Variants in PUDP observed in about 807,000 individuals in gnomAD.
PUDP encodes pseudouridine-5'-phosphatase.
In PUDP, 8 loss-of-function variants were observed where a neutral mutation model predicts 9.4. The ratio of observed to expected loss-of-function variants is 0.85; its 90% CI spans 0.50 to 1.53. The LOEUF is 1.53. PUDP is among the 40% of genes most tolerant of loss of function. The pLI, the probability that PUDP is intolerant of heterozygous loss-of-function variation, is 0.00. For missense variants in PUDP, 188 were observed against 189.7 expected, an observed-to-expected ratio of 0.99 and a Z score of 0.05; for synonymous variants, 99 against 80.7, an observed-to-expected ratio of 1.23 and a Z score of -1.22.
chrX:6,745,634 T>G (rs1721622428), intron 3 of PUDP, among the ~76,000 whole-genome samples: 1 of 110,927 alleles, frequency 9.0e-6, no homozygotes, highest in African/African-American at 3.3e-5. Flanking sequence ...ACATGCTGTT[T>G]GTTTGTTTGT....
chrX:6,727,704 C>A (rs1376072513), intron 3 of PUDP, among the ~76,000 whole-genome samples: 2 of 111,878 alleles, frequency 1.8e-5, no homozygotes, highest in African/African-American at 6.5e-5. Flanking sequence ...GTGGGTGTGG[C>A]TGTCATCCCA....
intron 3 of PUDP, among the ~76,000 whole-genome samples, chrX:6,736,902 C>T (rs1207158040): frequency 4.5e-5 from 5 of 111,768 alleles, no homozygotes; most frequent in Non-Finnish European, 9.4e-5. Context: ...TTATCAGGTA[C>T]TATGCTGATT....
intron 3 of PUDP, among the ~76,000 whole-genome samples, chrX:6,932,993 C>G (rs1417448725): frequency 9.1e-6 from 1 of 110,369 alleles, no homozygotes; most frequent in Non-Finnish European, 1.9e-5. Context: ...GAGCCCACCA[C>G]AGCTCAAGGA....
intron 3 of PUDP, among the ~76,000 whole-genome samples, chrX:6,750,047 A>G (rs1380752183): frequency 1.8e-5 from 2 of 112,127 alleles, no homozygotes; most frequent in African/African-American, 6.5e-5. Context: ...TGAGAATACA[A>G]TAAGGGGATG....
chrX:7,079,007 T>C (rs1453973264), intron 2 of PUDP, among the ~76,000 whole-genome samples: 1 of 111,676 alleles, frequency 9.0e-6, no homozygotes, highest in Non-Finnish European at 1.9e-5. Flanking sequence ...TTTATAAGTA[T>C]TATAAACACA....
At chrX:7,139,778 G>A (rs1349661728) in intron 1 of PUDP, among the ~76,000 whole-genome samples, 1 of 111,779 alleles carries the variant, frequency 8.9e-6, no homozygotes. Context: ...CACATCATTC[G>A]GCCCAGCTCC....
In PUDP at chrX:6,981,787, G is replaced by A. The variant is rs141431904; in HGVS notation, c.205-3444C>T. Among the ~76,000 whole-genome samples the A allele has an allele frequency of 6.6e-3, 734 of 110,527 alleles. 8 individuals are homozygous for A. The highest frequency in any genetic ancestry group is 0.023 in the African/African-American group (702 of 30,442). ...CTTTCCCCAAATCGTAGAGTCAATC[G>A]GAAAAAAGGCAAGGATTGGACACAG... On this transcript the variant is annotated intron_variant and NMD_transcript_variant, in intron 1 of 3. Coordinates refer to the PUDP transcript ENST00000655425.
intron 3 of PUDP, among the ~76,000 whole-genome samples, chrX:6,955,203 T>C (rs1303704853): frequency 1.8e-5 from 2 of 110,250 alleles, no homozygotes; most frequent in Admixed American, 9.6e-5. Flanking sequence ...CTTTGTCCTC[T>C]TTTAACTTTT....
At chrX:7,111,309 G>C (rs1250756267) in intron 1 of PUDP, among the ~76,000 whole-genome samples, 1 of 111,194 alleles carries the variant, frequency 9.0e-6, no homozygotes, top group Non-Finnish European at 1.9e-5. Flanking sequence ...GGGAAGGCCT[G>C]ATTTTGCTCC....
At chrX:6,769,935 T>C (rs1481492004) in intron 3 of PUDP, among the ~76,000 whole-genome samples, 1 of 112,716 alleles carries the variant, frequency 8.9e-6, no homozygotes, top group Non-Finnish European at 1.9e-5. Context: ...GCAAGCAGTC[T>C]GTTCTGCAGA....
intron 3 of PUDP, among the ~76,000 whole-genome samples, chrX:6,732,688 G>C (rs1301542773): frequency 1.8e-5 from 2 of 109,270 alleles, no homozygotes; most frequent in Non-Finnish European, 3.8e-5. Flanking sequence ...GAAAAGAAAA[G>C]GAGAGGAGAG....
intron 3 of PUDP, among the ~76,000 whole-genome samples, chrX:7,071,767 T>C (rs1000559362): frequency 1.2e-5 from 1 of 81,515 alleles, no homozygotes; most frequent in East Asian, 4.2e-4. Context: ...CCACCCAGAA[T>C]GTACTCTCTA....
intron 3 of PUDP, among the ~76,000 whole-genome samples, chrX:6,928,821 C>T (rs748709181): frequency 2.7e-5 from 3 of 110,921 alleles, no homozygotes; most frequent in Non-Finnish European, 5.7e-5. Flanking sequence ...TCTCTTGAGC[C>T]GGGGAGGCGG....
At position 6,914,842 on chromosome X, in the gene PUDP, G is replaced by A. The variant is rs1247212216; in HGVS notation, c.*247+62291C>T. On this transcript the variant is annotated intron_variant and NMD_transcript_variant, in intron 3 of 3. Transcript: ENST00000655425. ...ATTCTTTACTTTGTGCTCTCACGTC[G>A]ATATAAAGTGAACCACCCTCTACAA... Among the ~76,000 whole-genome samples the A allele has an allele frequency of 3.6e-5, 4 of 112,378 alleles. No homozygotes were observed. In the East Asian group the frequency reaches 8.4e-4, roughly 24 times the overall value.
At chrX:7,052,862 C>T (rs771052997) in intron 3 of PUDP, among the ~76,000 whole-genome samples, 164 of 111,631 alleles carry the variant, frequency 1.5e-3, no homozygotes, top group Non-Finnish European at 2.1e-3. Flanking sequence ...CCTCTGATGC[C>T]CCCTGGTTTC....
chrX:6,922,590 T>C (rs1928041986), intron 3 of PUDP, among the ~76,000 whole-genome samples: 1 of 112,083 alleles, frequency 8.9e-6, no homozygotes, highest in Non-Finnish European at 1.9e-5. Context: ...CTTTTCTTAA[T>C]GACTCTTTCT....
At chrX:6,724,549 AC>A (rs1924718150), upstream of PUDP, among the ~76,000 whole-genome samples, 1 of 109,902 alleles carries the variant, frequency 9.1e-6, no homozygotes, top group Non-Finnish European at 1.9e-5. Flanking sequence ...GGGGGAACCA[AC>A]AAAAGTAGGA....
At chrX:6,795,415 G>A (rs1178435802) in intron 3 of PUDP, among the ~76,000 whole-genome samples, 1 of 111,254 alleles carries the variant, frequency 9.0e-6, no homozygotes, top group Non-Finnish European at 1.9e-5. Context: ...GCAGTAGGCA[G>A]AGCAGCCGTG....
chrX:7,142,408 T>G (rs1289609522), intron 1 of PUDP, among the ~76,000 whole-genome samples: 4 of 111,875 alleles, frequency 3.6e-5, no homozygotes. Flanking sequence ...CCAAGAGAAC[T>G]AGAATTAGAA....
Sources: allele counts gnomAD v4.1 joint callset (sites outside exome capture counted in the v4.1 genomes callset), GRCh38; gene constraint gnomAD v4.1.1; transcripts MANE v1.5; gene names NCBI Gene and HGNC (gene_info 2026-07-23, HGNC 2026-07-21).